PTPRQ: variants seen among roughly 807,000 people sequenced by gnomAD.
PTPRQ encodes protein tyrosine phosphatase receptor type Q.
Under a neutral mutation model 246.0 loss-of-function variants are expected in PTPRQ, and 199 were observed. The observed-to-expected ratio is 0.81, with a 90% CI of 0.72 to 0.91. The LOEUF (loss-of-function observed/expected upper bound fraction) is 0.91, where lower values mean the gene tolerates loss of function less well. Ranked by LOEUF, PTPRQ falls within the 40% of genes least tolerant of loss-of-function variation. PTPRQ has a pLI of 0.00. For synonymous variants in PTPRQ, 869 were observed against 853.2 expected (o/e 1.02, Z -0.32); for missense variants, 2,624 against 2,528.4 (o/e 1.04, Z -0.81).
chr12:80,613,501 TA>T (rs1306956219), intron 28 of PTPRQ, 90 bp from the exon 29 acceptor site: 4 of 1,321,272 alleles, frequency 3.0e-6, no homozygotes, highest in African/African-American at 3.0e-5. Context: ...GAATACTCTT[TA>T]AAAACAGAAG....
intron 24 of PTPRQ, among the ~76,000 whole-genome samples, chr12:80,548,217 C>A (rs932968429): frequency 4.6e-5 from 7 of 151,886 alleles, no homozygotes; most frequent in Non-Finnish European, 1.0e-4. Flanking sequence ...AAATTTTCAC[C>A]TTTAAGTGTT....
At chr12:80,669,938 C>T (rs187042340) in intron 41 of PTPRQ, among the ~76,000 whole-genome samples, 57 of 152,018 alleles carry the variant, frequency 3.7e-4, no homozygotes, top group African/African-American at 1.3e-3. Context: ...TATATAAATG[C>T]CTATACACAC....
At chr12:80,551,987 A>G (rs1896488052) in intron 25 of PTPRQ, among the ~76,000 whole-genome samples, 1 of 152,062 alleles carries the variant, frequency 6.6e-6, no homozygotes, top group East Asian at 1.9e-4. Context: ...ATTCATTTTT[A>G]AAAGCCCAGC....
At chr12:80,669,639 G>A (rs1900905559) in intron 41 of PTPRQ, among the ~76,000 whole-genome samples, 175 bp downstream of exon 41, 1 of 151,938 alleles carries the variant, frequency 6.6e-6, no homozygotes, top group African/African-American at 2.4e-5. Flanking sequence ...TAGTATCAAT[G>A]TCACTGTATT....
At chr12:80,650,536 G>C (rs1900222397) in intron 37 of PTPRQ, among the ~76,000 whole-genome samples, 1 of 151,860 alleles carries the variant, frequency 6.6e-6, no homozygotes, top group Admixed American at 6.6e-5. Context: ...CTGAAACAAA[G>C]AATAAAACAA....
At chr12:80,559,087 C>T (rs572540384) in intron 25 of PTPRQ, among the ~76,000 whole-genome samples, 1 of 152,272 alleles carries the variant, frequency 6.6e-6, no homozygotes, top group South Asian at 2.1e-4. Flanking sequence ...CTCTGTCGCC[C>T]GGGGTGGAGT....
At chr12:80,662,641 G>A (rs1170721041) in intron 39 of PTPRQ, among the ~76,000 whole-genome samples, 4 of 151,968 alleles carry the variant, frequency 2.6e-5, no homozygotes, top group South Asian at 4.1e-4. Context: ...TTTTATTGCT[G>A]TTGATGTTTC....
intron 6 of PTPRQ, among the ~76,000 whole-genome samples, chr12:80,461,537 T>C (rs768597489): frequency 6.6e-6 from 1 of 151,638 alleles, no homozygotes; most frequent in Non-Finnish European, 1.5e-5. Context: ...TGTAAATACA[T>C]GTATTTATGT....
In PTPRQ at chr12:80,673,232, C is replaced by A; in HGVS notation, c.6666C>A (p.Asp2222Glu). The change falls in exon 43 of 45, where the codon GAC becomes GAA. Residue 2222 changes from aspartate to glutamate, a missense_variant. Transcript: ENST00000644991. Reference protein sequence around the residue: ...ALDHLTQHINDHDFVDIYGLV... With the variant: ...ALDHLTQHINEHDFVDIYGLV... Reference sequence around the variant, plus strand: ...ACCATTTAACACAACATATAAATGACCATGATTTTGTGGATATATATGGAC... The same window carrying A: ...ACCATTTAACACAACATATAAATGAACATGATTTTGTGGATATATATGGAC... The A allele has an allele frequency of 6.4e-7, 1 of 1,550,796 alleles. No individual in the cohort carries two copies. The highest frequency in any genetic ancestry group is 8.7e-7 in the Non-Finnish European group (1 of 1,146,410).
At chr12:80,524,172 G>C (rs931234787) in intron 17 of PTPRQ, among the ~76,000 whole-genome samples, 21 of 152,238 alleles carry the variant, frequency 1.4e-4, no homozygotes, top group Middle Eastern at 3.4e-3. Flanking sequence ...TTTTATCAGA[G>C]ACTAGGTTTG....
intron 26 of PTPRQ, among the ~76,000 whole-genome samples, chr12:80,595,863 T>C (rs142841231): frequency 0.015 from 2,260 of 152,132 alleles, 67 homozygotes; most frequent in African/African-American, 0.051. Flanking sequence ...GTGATTTTCC[T>C]TTTCATTAAT....
intron 35 of PTPRQ, among the ~76,000 whole-genome samples, chr12:80,642,191 G>A (rs968476283): frequency 6.6e-6 from 1 of 152,128 alleles, no homozygotes; most frequent in African/African-American, 2.4e-5. Flanking sequence ...CCAGTTTTCT[G>A]AGGTTGCTTC....
chr12:80,640,573 A>G (rs1442463470), intron 35 of PTPRQ, among the ~76,000 whole-genome samples: 2 of 152,202 alleles, frequency 1.3e-5, no homozygotes, highest in Non-Finnish European at 2.9e-5. Context: ...CTTTACTTGC[A>G]GATACTCTTC....
At chr12:80,491,131 G>A (rs922157955) in intron 9 of PTPRQ, among the ~76,000 whole-genome samples, 2 of 151,918 alleles carry the variant, frequency 1.3e-5, no homozygotes, top group African/African-American at 4.8e-5. Flanking sequence ...CAGCAGAGAT[G>A]CTTAACATAT....
Position 80,672,890 on chromosome 12 carries a change from C to A in PTPRQ, c.6603-279C>A, listed in dbSNP as rs182251664. Reference sequence around the variant, plus strand: ...TTTTAAAAAAATCTCTATACTTCAACAACACACCCTAAAATATTAAGAAAT... The same window carrying A: ...TTTTAAAAAAATCTCTATACTTCAAAAACACACCCTAAAATATTAAGAAAT... On this transcript the variant is annotated intron_variant, in intron 42 of 44. Coordinates refer to ENST00000644991, the MANE Select transcript of PTPRQ (RefSeq NM_001145026.2). Among the ~76,000 whole-genome samples, 207 of 152,150 alleles carry A rather than the reference C, an allele frequency of 1.4e-3. 1 individual carries two copies. Among genetic ancestry groups the A allele is most frequent in the Non-Finnish European group, 2.4e-3 (160 of 67,978 alleles).
intron 25 of PTPRQ, among the ~76,000 whole-genome samples, chr12:80,573,972 C>G (rs1308311997): frequency 6.6e-6 from 1 of 152,056 alleles, no homozygotes; most frequent in African/African-American, 2.4e-5. Flanking sequence ...CCTAATCGTT[C>G]TAACAGTTAT....
chr12:80,487,960 G>A (rs1894331321), intron 9 of PTPRQ, among the ~76,000 whole-genome samples: 1 of 151,988 alleles, frequency 6.6e-6, no homozygotes, highest in Admixed American at 6.6e-5. Flanking sequence ...GTTCTCATCT[G>A]GAGGCTTGAC....
chr12:80,537,086 A>G (rs375369545), intron 19 of PTPRQ, among the ~76,000 whole-genome samples: 2 of 152,204 alleles, frequency 1.3e-5, no homozygotes, highest in East Asian at 3.8e-4. Flanking sequence ...ATCTTTTATT[A>G]AATAATCTTA....
rs1898576958 is a variant in PTPRQ at position 80,612,186 on chromosome 12, A to G, written c.4919-1406A>G. Among the ~76,000 whole-genome samples the G allele has an allele frequency of 2.0e-5, 3 of 150,412 alleles. No homozygotes were observed. In the Admixed American group the frequency reaches 2.0e-4, roughly 10 times the overall value. ...ATCAAGAAGTAGCTCCTTTATTCAT[A>G]AAATAACTTTTATCCTCATACATAT... On this transcript the variant is annotated intron_variant, in intron 28 of 44. Transcript: ENST00000644991.
Sources: allele counts gnomAD v4.1 joint callset (sites outside exome capture counted in the v4.1 genomes callset), GRCh38; gene constraint gnomAD v4.1.1; transcripts MANE v1.5; gene names NCBI Gene and HGNC (gene_info 2026-07-23, HGNC 2026-07-21).